The following ITGA2 variants were observed in gnomAD, a reference collection of about 807,000 sequenced individuals.
The protein encoded by ITGA2 is integrin alpha-2.
ITGA2 carries 101 observed loss-of-function variants against 146.3 expected under a neutral mutation model. That is an observed-to-expected ratio of 0.69 (90% CI 0.59 to 0.81). The LOEUF (loss-of-function observed/expected upper bound fraction) is 0.81, where lower values mean the gene tolerates loss of function less well. Ranked by LOEUF, ITGA2 falls within the 40% of genes least tolerant of loss-of-function variation. The pLI is 0.00. For missense variants in ITGA2, 1,281 were observed against 1,402.7 expected (o/e 0.91, Z 1.39); for synonymous variants, 477 against 487.1 (o/e 0.98, Z 0.27).
intron 4 of ITGA2, among the ~76,000 whole-genome samples, chr5:53,046,740 A>G (rs1256044554): frequency 1.2e-4 from 18 of 152,084 alleles, no homozygotes. Flanking sequence ...AGTTTCCTTT[A>G]CATACTTAGA....
rs567721380 is a variant in ITGA2, at chr5:53,053,493, C to T, written c.779+1934C>T. 1.7e-4 allele frequency among the ~76,000 whole-genome samples: 26 copies of T among 152,180 alleles called. No individual in the cohort carries two copies. The East Asian group carries it at 1.7e-3, about 10-fold the overall frequency. On this transcript the variant is annotated intron_variant, in intron 7 of 29. Transcript: ENST00000296585. ...CCTGGAGTTAGAAACTGCAACGGCC[C>T]GGTTTTCAGCAGGGAAGGTGGGAGT... is the stretch of plus-strand genomic sequence containing the variant.
At chr5:53,065,656 G>A (rs1210934563) in intron 14 of ITGA2, 185 bp from the exon 15 acceptor site, 1 of 694,438 alleles carries the variant, frequency 1.4e-6, no homozygotes, top group African/African-American at 1.8e-5. Flanking sequence ...TGAAAATGTG[G>A]CTGTAAGAGT....
At chr5:53,060,627 C>G (rs62357252) in intron 11 of ITGA2, among the ~76,000 whole-genome samples, 1 of 151,802 alleles carries the variant, frequency 6.6e-6, no homozygotes, top group Non-Finnish European at 1.5e-5. Flanking sequence ...TTTTGAATGC[C>G]AGGTTCACAG....
Position 53,080,536 on chromosome 5 carries a change from G to A in ITGA2, c.2954G>A (p.Ser985Asn), listed in dbSNP as rs572843852. Residue 985 changes from serine to asparagine, a missense_variant, in exon 25 of 30, where the codon AGC becomes AAC. Around this residue, in one of 3 missense-constraint regions of ITGA2, gnomAD observed 475 missense variants for 530.5 expected, o/e 0.90. Transcript: ENST00000296585. ...LKVTTGSVPV[S>N]MATVIIHIPQ... is the part of the protein sequence containing the mutation. ...GTAACAACAGGAAGTGTTCCAGTAA[G>A]CATGGCAACTGTAATCATCCACATC... The A allele has an allele frequency of 2.5e-6, 4 of 1,613,552 alleles. No individual in the cohort carries two copies. Among genetic ancestry groups the A allele is most frequent in the South Asian group, 2.2e-5 (2 of 91,076 alleles).
At chr5:53,006,396 G>A (rs994469099) in intron 1 of ITGA2, among the ~76,000 whole-genome samples, 1 of 152,104 alleles carries the variant, frequency 6.6e-6, no homozygotes, top group African/African-American at 2.4e-5. Context: ...AAAATACAAT[G>A]TGTTTATTTG....
chr5:53,039,376 A>G (rs1005142284), intron 2 of ITGA2, among the ~76,000 whole-genome samples: 2 of 152,154 alleles, frequency 1.3e-5, no homozygotes, highest in African/African-American at 4.8e-5. Context: ...TGACACAATA[A>G]CACAATGGTA....
intron 19 of ITGA2, 130 bp downstream of exon 19, chr5:53,072,825 C>T: frequency 1.2e-6 from 1 of 826,958 alleles, no homozygotes; most frequent in Non-Finnish European, 1.9e-6. Context: ...CCTTTAAAAA[C>T]TAAATTTCAA....
chr5:53,026,055 A>G (rs1742930717), intron 1 of ITGA2, among the ~76,000 whole-genome samples: 2 of 152,340 alleles, frequency 1.3e-5, no homozygotes, highest in African/African-American at 4.8e-5. Context: ...TCATTCAGAA[A>G]GAAGCATCAA....
At chr5:52,992,403 C>T (rs1561273550) in intron 1 of ITGA2, among the ~76,000 whole-genome samples, 1 of 152,140 alleles carries the variant, frequency 6.6e-6, no homozygotes, top group Non-Finnish European at 1.5e-5. Flanking sequence ...TTCCATCAGC[C>T]ACCAAATTTC....
chr5:53,028,800 C>A (rs894918836), intron 2 of ITGA2, among the ~76,000 whole-genome samples: 3 of 152,192 alleles, frequency 2.0e-5, no homozygotes, highest in Admixed American at 1.3e-4. Flanking sequence ...CCTGTTAATC[C>A]TATCACCAAA....
intron 1 of ITGA2, among the ~76,000 whole-genome samples, chr5:53,025,704 T>C (rs1354319154): frequency 1.3e-5 from 2 of 152,244 alleles, no homozygotes; most frequent in African/African-American, 4.8e-5. Context: ...GTAGGACATT[T>C]CTTTGTGAAA....
In ITGA2 at chr5:53,072,540, T is replaced by G. The variant is rs1323573827; in HGVS notation, c.2347-73T>G. On this transcript the variant is annotated intron_variant, in intron 18 of 29. Coordinates refer to ENST00000296585, the MANE Select transcript of ITGA2 (RefSeq NM_002203.4). ...TGTACTTTATGTAAATAGAATAATA[T>G]TCTATGTATTCTTCTGTAATTTGCT... 15 of 895,392 alleles carry G rather than the reference T, an allele frequency of 1.7e-5. No homozygotes were observed. The East Asian group carries it at 3.9e-4, about 23-fold the overall frequency. The allele number at this position is 895,392 out of a possible 1,614,324, so 55.5% of individuals were successfully genotyped here.
intron 27 of ITGA2, among the ~76,000 whole-genome samples, chr5:53,086,299 C>A (rs1746153806): frequency 1.3e-5 from 2 of 152,124 alleles, no homozygotes; most frequent in Non-Finnish European, 1.5e-5. Flanking sequence ...CATAAAATAT[C>A]CTTCCTATAT....
chr5:52,993,340 G>A (rs1362594868), intron 1 of ITGA2, among the ~76,000 whole-genome samples: 2 of 152,160 alleles, frequency 1.3e-5, no homozygotes, highest in Non-Finnish European at 2.9e-5. Flanking sequence ...CTGAGCCACT[G>A]TTTGACTTAA....
rs572835280 is a variant in ITGA2, at chr5:53,025,929, C to T, written c.65-819C>T. Among the ~76,000 whole-genome samples the T allele has an allele frequency of 7.9e-5, 12 of 152,262 alleles. No individual in the cohort carries two copies. In the East Asian group the frequency reaches 2.3e-3, roughly 29 times the overall value. ...GAAACATGATTTGCCTTATTCCTTTCCTTCATTCCCTTTCCATCAGAAATA... is the reference window on the plus strand; with the variant it reads ...GAAACATGATTTGCCTTATTCCTTTTCTTCATTCCCTTTCCATCAGAAATA... On this transcript the variant is annotated intron_variant, in intron 1 of 29. Coordinates refer to ENST00000296585, the MANE Select transcript of ITGA2 (RefSeq NM_002203.4).
chr5:53,048,414 G>A lies in ITGA2; in HGVS notation c.439G>A (p.Gly147Ser). Residue 147 changes from glycine to serine, a missense_variant, in exon 5 of 30, where the codon GGT becomes AGT. Gly to Ser is a moderately conservative substitution (Grantham distance 56). Coordinates refer to ENST00000296585, the MANE Select transcript of ITGA2 (RefSeq NM_002203.4). ...QQCGNQYYTT[G>S]VCSDISPDFQ... ...ATGTGGGAATCAGTATTACACAACG[G>A]GTGTGTGTTCTGACATCAGTCCTGA... The A allele has an allele frequency of 6.2e-7, 1 of 1,614,066 alleles. No homozygotes were observed. Among genetic ancestry groups the A allele is most frequent in the South Asian group, 1.1e-5 (1 of 91,072 alleles).
At chr5:53,018,183 A>G (rs1160165238) in intron 1 of ITGA2, among the ~76,000 whole-genome samples, 1 of 152,184 alleles carries the variant, frequency 6.6e-6, no homozygotes, top group Non-Finnish European at 1.5e-5. Context: ...CGGGTCCAAC[A>G]GTCACCCTAA....
In ITGA2 at chr5:53,073,073, A is replaced by G. The variant is rs1745472806; in HGVS notation, c.2430-45A>G. The G allele has an allele frequency of 2.5e-6, 4 of 1,596,984 alleles. No individual in the cohort carries two copies. The African/African-American group carries it at 5.4e-5, about 21-fold the overall frequency. Reference sequence around the variant, plus strand: ...GAAATTTTAAAATACTGGCCTTTTTATTTAACAGTAATGGCTTTTCCCCCC... The same window carrying G: ...GAAATTTTAAAATACTGGCCTTTTTGTTTAACAGTAATGGCTTTTCCCCCC... On this transcript the variant is annotated intron_variant, in intron 19 of 29. Coordinates refer to ENST00000296585, the MANE Select transcript of ITGA2 (RefSeq NM_002203.4).
chr5:53,069,432 T>C (rs1441187558), intron 16 of ITGA2, among the ~76,000 whole-genome samples: 1 of 151,882 alleles, frequency 6.6e-6, no homozygotes, highest in Non-Finnish European at 1.5e-5. Context: ...ATTGCTGCAG[T>C]GTTGCATGCA....
Sources: gnomAD v4.1 joint callset for allele counts (sites outside exome capture counted in the v4.1 genomes callset) on GRCh38, gnomAD v4.1.1 for gene constraint, gnomAD v4.1.1 regional missense constraint, MANE v1.5 for transcripts, NCBI Gene and HGNC (gene_info 2026-07-23, HGNC 2026-07-21) for gene names.